The following HSPA4L variants were observed in gnomAD, a reference collection of about 807,000 sequenced individuals.
HSPA4L encodes heat shock protein family A (Hsp70) member 4 like, also known as heat shock 70 kDa protein 4L.
HSPA4L carries 48 observed loss-of-function variants against 100.3 expected under a neutral mutation model. That is an observed-to-expected ratio of 0.48 (90% CI 0.38 to 0.61). HSPA4L has a LOEUF of 0.61. Among genes scored for constraint, HSPA4L ranks in the 20% least tolerant of loss-of-function variants. The pLI, the probability that HSPA4L is intolerant of heterozygous loss-of-function variation, is 0.00. For missense variants in HSPA4L, 886 were observed against 988.6 expected (o/e 0.90, Z 1.39); for synonymous variants, 319 against 328.2 (o/e 0.97, Z 0.30).
Position 127,812,705 on chromosome 4 carries a change from T to C in HSPA4L, c.1578+1069T>C, listed in dbSNP as rs1733570141. ...TAGCCCAGAGGTCCTTTATTTTTTT[T>C]TTTTTTTAACACCTATGCCATGAAT... On this transcript the variant is annotated intron_variant, in intron 12 of 18. Coordinates refer to ENST00000296464, the MANE Select transcript of HSPA4L (RefSeq NM_014278.4). The C allele has an allele frequency of 4.6e-6, 4 of 876,556 alleles. No individual in the cohort carries two copies. The East Asian group carries it at 1.0e-4, about 22-fold the overall frequency. 54.3% of individuals were successfully genotyped at this position (876,556 alleles called of 1,614,324 possible).
rs973426607 is a variant in HSPA4L at position 127,837,458 on chromosome 4, T to G, written c.*4584T>G. 1 of 152,218 alleles carries G rather than the reference T, an allele frequency of 6.6e-6. No individual in the cohort carries two copies. Among genetic ancestry groups the G allele is most frequent in the Admixed American group, 6.5e-5 (1 of 15,282 alleles). The allele number at this position is 152,218 out of a possible 1,614,324, so 9.4% of individuals were successfully genotyped here. A position where few individuals can be genotyped will look rare whatever the true frequency, so the allele number is the denominator to read the frequency against. Reference sequence around the variant, plus strand: ...TTCATGTGGCATGAGAGGGATATGCTTATAAAGCTTAATTCTGATATTATC... The same window carrying G: ...TTCATGTGGCATGAGAGGGATATGCGTATAAAGCTTAATTCTGATATTATC... On this transcript the variant is annotated 3_prime_UTR_variant, in exon 19 of 19. Transcript: ENST00000296464.
At chr4:127,812,253 CA>C (rs1366566879) in intron 12 of HSPA4L, among the ~76,000 whole-genome samples, 2 of 151,496 alleles carry the variant, frequency 1.3e-5, no homozygotes, top group Non-Finnish European at 2.9e-5. Context: ...ACTAAAAATA[CA>C]AAAAATTAGC....
chr4:127,824,743 CTT>C (rs530733429), intron 16 of HSPA4L, among the ~76,000 whole-genome samples: 12 of 152,148 alleles, frequency 7.9e-5, no homozygotes, highest in Non-Finnish European at 1.6e-4. Context: ...AATCAAGAGA[CTT>C]GGCCACAAAA....
At chr4:127,823,467 T>A (rs776026705) in intron 15 of HSPA4L, 50 bp from the exon 16 acceptor site, 1 of 1,347,514 alleles carries the variant, frequency 7.4e-7, no homozygotes, top group African/African-American at 1.4e-5. Flanking sequence ...TGATGACTTT[T>A]ATTTCTAAGG....
chr4:127,803,842 A>G lies in HSPA4L; in HGVS notation c.877A>G (p.Asn293Asp), dbSNP rs368033409. Residue 293 changes from asparagine (N) to aspartate (D), a missense_variant, in exon 7 of 19, where the codon AAT (asparagine) becomes GAT (aspartate). Physicochemically the swap from Asn to Asp is conservative, Grantham distance 23. Transcript: ENST00000296464. ...TCCATTGAACATTGAGTGTTTCATG[A>G]ATGACCTTGATGTTTCTAGTAAAAT... ...DLPLNIECFM[N>D]DLDVSSKMNR... 1 of 1,613,730 alleles carries G rather than the reference A, an allele frequency of 6.2e-7. No homozygotes were observed. The highest frequency in any genetic ancestry group is 8.5e-7 in the Non-Finnish European group (1 of 1,179,858).
At chr4:127,811,723 A>G (rs1733536869) in intron 12 of HSPA4L, 87 bp downstream of exon 12, 2 of 944,292 alleles carry the variant, frequency 2.1e-6, no homozygotes, top group East Asian at 5.3e-5. Flanking sequence ...ATAGTTGAAT[A>G]CATTACTCTC....
At chr4:127,793,972 G>C in intron 1 of HSPA4L, 105 bp from the exon 2 acceptor site, 1 of 660,156 alleles carries the variant, frequency 1.5e-6, no homozygotes, top group Non-Finnish European at 2.5e-6. Context: ...AATAATATAT[G>C]GTTATATTTC....
Position 127,835,609 on chromosome 4 carries a change from A to G in HSPA4L, c.*2735A>G, listed in dbSNP as rs1734187754. The G allele has an allele frequency of 6.6e-6, 1 of 152,138 alleles. No individual in the cohort carries two copies. The highest frequency in any genetic ancestry group is 2.4e-5 in the African/African-American group (1 of 41,428). The allele number at this position is 152,138 out of a possible 1,614,324, so 9.4% of individuals were successfully genotyped here. ...TCTCAGCTACCCGGGAGGCTCAGGC[A>G]GGAGAATCGCTGGAACCCAGGAGGC... On this transcript the variant is annotated 3_prime_UTR_variant, in exon 19 of 19. Transcript: ENST00000296464.
Position 127,782,411 on chromosome 4 carries a change from A to G in HSPA4L, c.-140A>G. 4.4e-6 allele frequency: 3 copies of G among 675,064 alleles called. No homozygotes were observed. The allele number at this position is 675,064 out of a possible 1,614,324, so 41.8% of individuals were successfully genotyped here. On this transcript the variant is annotated 5_prime_UTR_variant, in exon 1 of 19. Transcript: ENST00000296464. The stretch of plus-strand genomic sequence containing the variant: ...CCGCGGGTTTCCGACTCCCTGCCCT[A>G]GATTTTCTGCTTAGCGACTTGGGGT...
At chr4:127,795,141 A>G (rs1265546554) in intron 2 of HSPA4L, among the ~76,000 whole-genome samples, 1 of 152,126 alleles carries the variant, frequency 6.6e-6, no homozygotes, top group Non-Finnish European at 1.5e-5. Flanking sequence ...AACCTAGACA[A>G]TAATAAACCA....
intron 14 of HSPA4L, among the ~76,000 whole-genome samples, chr4:127,822,429 T>C (rs968375299): frequency 3.3e-5 from 5 of 152,202 alleles, no homozygotes; most frequent in African/African-American, 1.2e-4. Flanking sequence ...ATTTGGGTTG[T>C]TTCTACTTTT....
At chr4:127,781,923 A>T (rs1732561968), upstream of HSPA4L, 9 of 389,638 alleles carry the variant, frequency 2.3e-5, no homozygotes, top group South Asian at 1.7e-4. Context: ...CGCCGTGACA[A>T]GCACGCCTCC....
At chr4:127,783,836 C>T (rs1447040711) in intron 1 of HSPA4L, among the ~76,000 whole-genome samples, 1 of 152,196 alleles carries the variant, frequency 6.6e-6, no homozygotes, top group Non-Finnish European at 1.5e-5. Flanking sequence ...AAGAGTAGCT[C>T]ACTTGAAGCA....
At chr4:127,794,025 G>A in intron 1 of HSPA4L, 52 bp from the exon 2 acceptor site, 1 of 1,291,270 alleles carries the variant, frequency 7.7e-7, no homozygotes. Flanking sequence ...CAAAATAATA[G>A]CACAATAATA....
At chr4:127,790,152 C>T (rs969091500) in intron 1 of HSPA4L, among the ~76,000 whole-genome samples, 6 of 152,184 alleles carry the variant, frequency 3.9e-5, no homozygotes, top group African/African-American at 1.2e-4. Flanking sequence ...AAGGAACCAG[C>T]GCTTAATGAT....
At chr4:127,831,563 A>G (rs1734083853) in intron 18 of HSPA4L, among the ~76,000 whole-genome samples, 1 of 151,798 alleles carries the variant, frequency 6.6e-6, no homozygotes. Context: ...AACTAGATCA[A>G]TAAGTTGATG....
chr4:127,805,473 C>T (rs1282699848), intron 9 of HSPA4L, among the ~76,000 whole-genome samples: 3 of 152,016 alleles, frequency 2.0e-5, no homozygotes, highest in Non-Finnish European at 2.9e-5. Context: ...ATTTAAAATC[C>T]CTTTTGGAGA....
intron 13 of HSPA4L, among the ~76,000 whole-genome samples, chr4:127,820,082 C>T (rs1733768473): frequency 6.6e-6 from 1 of 152,040 alleles, no homozygotes; most frequent in Non-Finnish European, 1.5e-5. Flanking sequence ...CAACTGTTTT[C>T]CAGAATGGCT....
At position 127,822,770 on chromosome 4, in the gene HSPA4L, G is replaced by A. The variant is rs778090804; in HGVS notation, c.1814G>A (p.Gly605Glu). Residue 605 changes from glycine (G) to glutamate (E), a missense_variant and splice_region_variant, in exon 15 of 19, where the codon GGG (glycine) becomes GAG (glutamate). Coordinates refer to ENST00000296464, the MANE Select transcript of HSPA4L (RefSeq NM_014278.4). ...DLLNSYIENE[G>E]KMIMQDKLEK... is the part of the protein sequence containing the mutation. Reference sequence around the variant, plus strand: ...ACTAATCTGAAGCTTTTTGAATAGGGGAAGATGATCATGCAAGATAAGTTA... The same window carrying A: ...ACTAATCTGAAGCTTTTTGAATAGGAGAAGATGATCATGCAAGATAAGTTA... 3.7e-6 allele frequency: 6 copies of A among 1,612,776 alleles called. No individual in the cohort carries two copies. Among genetic ancestry groups the A allele is most frequent in the Non-Finnish European group, 4.2e-6 (5 of 1,179,466 alleles).
Sources: allele counts gnomAD v4.1 joint callset (sites outside exome capture counted in the v4.1 genomes callset), GRCh38; gene constraint gnomAD v4.1.1; transcripts MANE v1.5; gene names NCBI Gene and HGNC (gene_info 2026-07-23, HGNC 2026-07-21).